TSHB: variants seen among roughly 807,000 people sequenced by gnomAD.
TSHB encodes thyrotropin subunit beta.
In TSHB, 9 loss-of-function variants were observed where a neutral mutation model predicts 9.3. The observed-to-expected ratio is 0.97, with a 90% CI of 0.58 to 1.69. TSHB has a LOEUF of 1.69. TSHB is among the 40% of genes most tolerant of loss of function. TSHB has a pLI of 0.00. For missense variants in TSHB, 182 were observed against 168.5 expected, an observed-to-expected ratio of 1.08 and a Z score of -0.44; for synonymous variants, 57 against 57.2, an observed-to-expected ratio of 1.00 and a Z score of 0.01.
chr1:115,033,567 G>A, intron 2 of TSHB, 43 bp downstream of exon 2: 1 of 1,541,008 alleles, frequency 6.5e-7, no homozygotes, highest in Non-Finnish European at 9.0e-7. Flanking sequence ...AATTATATAA[G>A]CCCTGAAGAA....
At chr1:115,031,408 G>C (rs1226011620) in intron 1 of TSHB, among the ~76,000 whole-genome samples, 7 of 151,970 alleles carry the variant, frequency 4.6e-5, no homozygotes, top group Non-Finnish European at 8.8e-5. Context: ...CTATTTTGCA[G>C]ATGGGGAAAT....
chr1:115,034,303 T>A, downstream of TSHB: 1 of 1,512,160 alleles, frequency 6.6e-7, no homozygotes, highest in East Asian at 2.3e-5. Context: ...TTTCACATTA[T>A]CTTCTGTTCA....
rs933352243 is a variant in TSHB, at chr1:115,033,903, T to C, written c.163-70T>C. 14 of 1,575,888 alleles carry C rather than the reference T, an allele frequency of 8.9e-6. No individual in the cohort carries two copies. The African/African-American group carries it at 1.1e-4, about 12-fold the overall frequency. ...GAAGGAATATAAGTGAATTTATTTT[T>C]ATGTTTCTATTATCTATATGTTTCC... On this transcript the variant is annotated intron_variant, in intron 2 of 2. Coordinates refer to ENST00000256592, the MANE Select transcript of TSHB (RefSeq NM_000549.5).
At position 115,033,516 on chromosome 1, in the gene TSHB, A is replaced by G; in HGVS notation, c.154A>G (p.Met52Val). The part of the protein sequence containing the change: ...INTTICAGYC[M>V]TRDINGKLFL... ...CACCACCATCTGTGCTGGATATTGT[A>G]TGACACGGGTATGTAGTTCATGTCA... Residue 52 changes from methionine (M) to valine (V), a missense_variant, in exon 2 of 3, where the codon ATG becomes GTG. Coordinates refer to ENST00000256592, the MANE Select transcript of TSHB (RefSeq NM_000549.5). The G allele has an allele frequency of 6.2e-7, 1 of 1,613,050 alleles. No individual in the cohort carries two copies. Among genetic ancestry groups the G allele is most frequent in the Non-Finnish European group, 8.5e-7 (1 of 1,179,084 alleles).
At chr1:115,032,783 A>G (rs569171363) in intron 1 of TSHB, among the ~76,000 whole-genome samples, 1 of 152,162 alleles carries the variant, frequency 6.6e-6, no homozygotes, top group East Asian at 1.9e-4. Context: ...ATGATATCAT[A>G]TCCAATATAA....
intron 2 of TSHB, 62 bp from the exon 3 acceptor site, chr1:115,033,911 T>C: frequency 6.3e-7 from 1 of 1,587,500 alleles, no homozygotes; most frequent in Non-Finnish European, 8.6e-7. Context: ...TTTATGTTTC[T>C]ATTATCTATA....
Position 115,034,270 on chromosome 1 carries a change from A to C in TSHB, c.*43A>C. On this transcript the variant is annotated 3_prime_UTR_variant, in exon 3 of 3. Coordinates refer to ENST00000256592, the MANE Select transcript of TSHB (RefSeq NM_000549.5). ...ATTTGGTTAAATGTGCTTGCCTGAAATAAAGCTAATAAAAATATTATGTTT... is the reference window on the plus strand; with the variant it reads ...ATTTGGTTAAATGTGCTTGCCTGAACTAAAGCTAATAAAAATATTATGTTT... 6.3e-7 allele frequency: 1 copy of C among 1,577,796 alleles called. No homozygotes were observed. The highest frequency in any genetic ancestry group is 1.1e-5 in the South Asian group (1 of 90,306).
At chr1:115,032,067 A>G (rs945975992) in intron 1 of TSHB, among the ~76,000 whole-genome samples, 3 of 152,068 alleles carry the variant, frequency 2.0e-5, no homozygotes, top group Admixed American at 1.3e-4. Context: ...TGTTCATATT[A>G]GCTCCTCCAC....
chr1:115,034,133 G>A lies in TSHB; in HGVS notation c.323G>A (p.Cys108Tyr), dbSNP rs780917286. The change falls in exon 3 of 3, where the codon TGC becomes TAC. Residue 108 changes from cysteine (C) to tyrosine (Y), a missense_variant. Physicochemically the swap from Cys to Tyr is radical, Grantham distance 194. Transcript: ENST00000256592. ...PVALSCKCGK[C>Y]NTDYSDCIHE... Reference sequence around the variant, plus strand: ...GCTTTAAGCTGTAAGTGTGGCAAGTGCAATACTGACTATAGTGACTGCATA... The same window carrying A: ...GCTTTAAGCTGTAAGTGTGGCAAGTACAATACTGACTATAGTGACTGCATA... 2 of 1,613,834 alleles carry A rather than the reference G, an allele frequency of 1.2e-6. No individual in the cohort carries two copies. Among genetic ancestry groups the A allele is most frequent in the South Asian group, 1.1e-5 (1 of 91,078 alleles).
Position 115,033,498 on chromosome 1 carries a change from A to G in TSHB, c.136A>G (p.Ile46Val), listed in dbSNP as rs1230020143. 6.2e-7 allele frequency: 1 copy of G among 1,613,288 alleles called. No individual in the cohort carries two copies. The highest frequency in any genetic ancestry group is 1.1e-5 in the South Asian group (1 of 91,074). Residue 46 changes from isoleucine to valine, a missense_variant, in exon 2 of 3, where the codon ATC (isoleucine) becomes GTC (valine). By Grantham distance (29) the Ile-to-Val change is conservative. Transcript: ENST00000256592. Reference protein sequence around the residue: ...CAYCLTINTTICAGYCMTRDI... With the variant: ...CAYCLTINTTVCAGYCMTRDI... ...TTATTGCCTAACCATCAACACCACC[A>G]TCTGTGCTGGATATTGTATGACACG...
intron 1 of TSHB, among the ~76,000 whole-genome samples, chr1:115,031,734 A>G (rs1343409795): frequency 6.6e-6 from 1 of 152,050 alleles, no homozygotes; most frequent in Non-Finnish European, 1.5e-5. Context: ...GCAACTCTGT[A>G]CCATAGAGGG....
At chr1:115,033,320 T>C in intron 1 of TSHB, 42 bp from the exon 2 acceptor site, 1 of 1,603,398 alleles carries the variant, frequency 6.2e-7, no homozygotes, top group Non-Finnish European at 8.5e-7. Context: ...TTGCCCTTTC[T>C]GATTTTAACA....
intron 1 of TSHB, among the ~76,000 whole-genome samples, chr1:115,032,106 C>T (rs541758175): frequency 6.6e-6 from 1 of 151,970 alleles, no homozygotes; most frequent in Middle Eastern, 3.4e-3. Context: ...GGTAAAGGAC[C>T]GTAGCTTTTC....
chr1:115,030,834 G>A (rs1674879987), intron 1 of TSHB, among the ~76,000 whole-genome samples: 1 of 151,974 alleles, frequency 6.6e-6, no homozygotes, highest in Non-Finnish European at 1.5e-5. Context: ...GTGTTATACA[G>A]CTATGTGATC....
In TSHB at chr1:115,033,965, T is replaced by C; in HGVS notation, c.163-8T>C. ...CACATTATGCTCTCTTTTCTGTTCT[T>C]TCCCCAGGATATCAATGGCAAACTG... On this transcript the variant is annotated splice_polypyrimidine_tract_variant and splice_region_variant and intron_variant, in intron 2 of 2. Transcript: ENST00000256592. 6.2e-7 allele frequency: 1 copy of C among 1,613,086 alleles called. No homozygotes were observed. The highest frequency in any genetic ancestry group is 8.5e-7 in the Non-Finnish European group (1 of 1,179,618).
At chr1:115,033,591 T>C (rs936807885) in intron 2 of TSHB, 67 bp downstream of exon 2, 6 of 1,399,666 alleles carry the variant, frequency 4.3e-6, no homozygotes, top group East Asian at 2.3e-5. Context: ...CATTCCTATA[T>C]AGAAAGGAAA....
intron 1 of TSHB, among the ~76,000 whole-genome samples, chr1:115,031,888 A>T (rs1674901298): frequency 6.6e-6 from 1 of 152,054 alleles, no homozygotes; most frequent in Non-Finnish European, 1.5e-5. Context: ...TTTGTGAGAA[A>T]AACCCCTGTT....
intron 1 of TSHB, among the ~76,000 whole-genome samples, 172 bp downstream of exon 1, chr1:115,030,032 G>C (rs181432291): frequency 7.0e-4 from 106 of 152,162 alleles, no homozygotes; most frequent in Admixed American, 2.4e-3. Flanking sequence ...GTAGATGGAG[G>C]TGAGAGAACT....
In TSHB at chr1:115,034,280, T is replaced by C; in HGVS notation, c.*53T>C. The C allele has an allele frequency of 2.6e-6, 4 of 1,563,326 alleles. No individual in the cohort carries two copies. Among genetic ancestry groups the C allele is most frequent in the Non-Finnish European group, 3.5e-6 (4 of 1,134,696 alleles). ...ATGTGCTTGCCTGAAATAAAGCTAATAAAAATATTATGTTTCACATTATCT... is the reference window on the plus strand; with the variant it reads ...ATGTGCTTGCCTGAAATAAAGCTAACAAAAATATTATGTTTCACATTATCT... On this transcript the variant is annotated 3_prime_UTR_variant, in exon 3 of 3. Coordinates refer to ENST00000256592, the MANE Select transcript of TSHB (RefSeq NM_000549.5).
Sources: allele counts gnomAD v4.1 joint callset (sites outside exome capture counted in the v4.1 genomes callset), GRCh38; gene constraint gnomAD v4.1.1; transcripts MANE v1.5; gene names NCBI Gene and HGNC (gene_info 2026-07-23, HGNC 2026-07-21).